PATJ: variants seen among roughly 807,000 people sequenced by gnomAD.
PATJ encodes PATJ crumbs cell polarity complex component.
Under a neutral mutation model 224.9 loss-of-function variants are expected in PATJ, and 190 were observed. The ratio of observed to expected loss-of-function variants is 0.84; its 90% CI spans 0.75 to 0.95. The LOEUF (loss-of-function observed/expected upper bound fraction) is 0.95, where lower values mean the gene tolerates loss of function less well. Ranked by LOEUF, PATJ falls within the 40% of genes least tolerant of loss-of-function variation. PATJ has a pLI of 0.00. For synonymous variants in PATJ, 769 were observed against 820.3 expected (o/e 0.94, Z 1.07); for missense variants, 2,121 against 2,270.3 (o/e 0.93, Z 1.34).
In PATJ at chr1:61,827,453, G is replaced by A. The variant is rs556613542; in HGVS notation, c.1850G>A (p.Arg617His). ...VNGMQLYGKS[R>H]REAVSFLKEV... ...GGCATGCAGCTTTATGGAAAATCTCGCCGAGAAGCAGTCTCCTTTCTTAAA... is the reference window on the plus strand; with the variant it reads ...GGCATGCAGCTTTATGGAAAATCTCACCGAGAAGCAGTCTCCTTTCTTAAA... The change falls in exon 16 of 44, where the codon CGC (arginine) becomes CAC (histidine). Residue 617 changes from arginine to histidine, a missense_variant. Coordinates refer to ENST00000642238, the MANE Select transcript of PATJ (RefSeq NM_001350145.3). 20 of 1,613,642 alleles carry A rather than the reference G, an allele frequency of 1.2e-5. No individual in the cohort carries two copies. The African/African-American group carries it at 1.5e-4, about 12-fold the overall frequency.
chr1:61,915,687 T>C (rs12089099), intron 26 of PATJ, among the ~76,000 whole-genome samples: 59 of 151,006 alleles, frequency 3.9e-4, no homozygotes, highest in African/African-American at 1.4e-3. Flanking sequence ...TATAATTTTC[T>C]TTTCTTTCTT....
At chr1:61,759,581 T>A (rs1645846931) in intron 1 of PATJ, among the ~76,000 whole-genome samples, 1 of 152,180 alleles carries the variant, frequency 6.6e-6, no homozygotes, top group Non-Finnish European at 1.5e-5. Flanking sequence ...AGCAAATTTT[T>A]GTGTTTTTAG....
intron 42 of PATJ, among the ~76,000 whole-genome samples, chr1:62,150,407 G>A (rs1018118492): frequency 2.0e-5 from 3 of 152,096 alleles, no homozygotes; most frequent in Non-Finnish European, 4.4e-5. Flanking sequence ...CTGTAGGAGA[G>A]CTAAATTCAT....
chr1:61,834,737 C>T (rs886306270), intron 17 of PATJ, among the ~76,000 whole-genome samples: 1 of 152,040 alleles, frequency 6.6e-6, no homozygotes, highest in Non-Finnish European at 1.5e-5. Context: ...AAGAATATTA[C>T]GTTCTATTTT....
intron 27 of PATJ, among the ~76,000 whole-genome samples, chr1:61,951,316 T>G (rs1679639108): frequency 6.6e-6 from 1 of 152,240 alleles, no homozygotes; most frequent in South Asian, 2.1e-4. Context: ...ATAATTTGGA[T>G]GTATTTATTA....
intron 6 of PATJ, among the ~76,000 whole-genome samples, chr1:61,772,649 G>A (rs1382529861): frequency 6.6e-6 from 1 of 152,116 alleles, no homozygotes. Flanking sequence ...GTTGTAATCA[G>A]CAATATTTAT....
At position 61,875,303 on chromosome 1, in the gene PATJ, C is replaced by A; in HGVS notation, c.2896C>A (p.Gln966Lys). The change falls in exon 21 of 44, where the codon CAA (glutamine) becomes AAA (lysine). Residue 966 changes from glutamine to lysine, a missense_variant. By Grantham distance (53) the Gln-to-Lys change is moderately conservative (BLOSUM62 1). Transcript: ENST00000642238. ...PSVPSTEGNS[Q>K]QGRFDDLENL... ...TGTACCATCAACTGAAGGAAACAGT[C>A]AACAAGGCAGATTTGACGACCTGGA... 1.2e-6 allele frequency: 2 copies of A among 1,609,664 alleles called. No homozygotes were observed. The highest frequency in any genetic ancestry group is 2.2e-5 in the South Asian group (2 of 90,792).
At chr1:61,798,679 G>C (rs1651839945) in intron 11 of PATJ, among the ~76,000 whole-genome samples, 1 of 151,682 alleles carries the variant, frequency 6.6e-6, no homozygotes, top group Non-Finnish European at 1.5e-5. Context: ...ATCACTTGAG[G>C]CCAGGAATTT....
intron 33 of PATJ, among the ~76,000 whole-genome samples, chr1:62,108,100 C>T (rs895946954): frequency 6.6e-6 from 1 of 152,076 alleles, no homozygotes; most frequent in African/African-American, 2.4e-5. Context: ...TACCTGAAAC[C>T]GTGTTTCAAA....
intron 7 of PATJ, among the ~76,000 whole-genome samples, chr1:61,779,675 C>T (rs1445141120): frequency 1.3e-5 from 2 of 152,172 alleles, no homozygotes; most frequent in African/African-American, 2.4e-5. Context: ...TTTGTAATTC[C>T]TATCCCTCCA....
chr1:62,078,035 G>T (rs779182040), intron 31 of PATJ, among the ~76,000 whole-genome samples: 1 of 152,198 alleles, frequency 6.6e-6, no homozygotes, highest in African/African-American at 2.4e-5. Context: ...ACTGCACAAT[G>T]CCCTGTATTG....
intron 27 of PATJ, among the ~76,000 whole-genome samples, chr1:61,931,665 G>A (rs946945459): frequency 1.3e-4 from 20 of 152,334 alleles, no homozygotes; most frequent in Admixed American, 5.9e-4. Context: ...TTGGAAGGCT[G>A]AGGTGAGAGG....
At chr1:62,008,203 T>A (rs546592881) in intron 28 of PATJ, among the ~76,000 whole-genome samples, 1 of 152,264 alleles carries the variant, frequency 6.6e-6, no homozygotes, top group East Asian at 1.9e-4. Flanking sequence ...AGCTGTGGCC[T>A]GGAGTGTCAT....
intron 1 of PATJ, among the ~76,000 whole-genome samples, chr1:61,753,097 T>A (rs1467965248): frequency 6.6e-6 from 1 of 152,194 alleles, no homozygotes; most frequent in African/African-American, 2.4e-5. Context: ...CTGAGCTTTG[T>A]ACTCCAAAGG....
rs116056031 is a variant in PATJ, at chr1:61,938,517, C to T, written c.3670+10688C>T. ...TCATGTAACCAATCTGCACATGTACCCCCTGTATCTAAAATAAAAGTTGAA... is the reference window on the plus strand; with the variant it reads ...TCATGTAACCAATCTGCACATGTACTCCCTGTATCTAAAATAAAAGTTGAA... On this transcript the variant is annotated intron_variant, in intron 27 of 43. Transcript: ENST00000642238. Among the ~76,000 whole-genome samples, 723 of 152,020 alleles carry T rather than the reference C, an allele frequency of 4.8e-3. 5 individuals are homozygous for T. The highest frequency in any genetic ancestry group is 0.017 in the African/African-American group (691 of 41,480).
At chr1:61,873,371 T>C (rs780516180) in intron 20 of PATJ, among the ~76,000 whole-genome samples, 5 of 152,000 alleles carry the variant, frequency 3.3e-5, no homozygotes, top group Non-Finnish European at 5.9e-5. Flanking sequence ...GGTTTCGCCA[T>C]ATTGACCAGC....
chr1:61,972,678 A>T (rs546095912), intron 27 of PATJ, among the ~76,000 whole-genome samples: 1 of 152,234 alleles, frequency 6.6e-6, no homozygotes, highest in Non-Finnish European at 1.5e-5. Context: ...CTTCTGGTAC[A>T]TATAACTACT....
Position 62,130,712 on chromosome 1 carries a change from A to T in PATJ, c.5271+1767A>T, listed in dbSNP as rs13375102. Among the ~76,000 whole-genome samples, 922 of 151,964 alleles carry T rather than the reference A, an allele frequency of 6.1e-3. 9 individuals are homozygous for T. Among genetic ancestry groups the T allele is most frequent in the African/African-American group, 0.021 (877 of 41,470 alleles). ...TAAAAATACAAAAAATTAGCCGGGC[A>T]TGGTGGCGGGCGCCTATAGTCCCAG... is the stretch of plus-strand genomic sequence containing the variant. On this transcript the variant is annotated intron_variant, in intron 41 of 43. Transcript: ENST00000642238.
At chr1:62,092,110 G>A (rs939146701) in intron 33 of PATJ, among the ~76,000 whole-genome samples, 3 of 151,898 alleles carry the variant, frequency 2.0e-5, no homozygotes, top group African/African-American at 7.3e-5. Flanking sequence ...AGGTGCAGTG[G>A]CTCACACCTG....
Sources: gnomAD v4.1 joint callset for allele counts (sites outside exome capture counted in the v4.1 genomes callset) on GRCh38, gnomAD v4.1.1 for gene constraint, MANE v1.5 for transcripts, NCBI Gene and HGNC (gene_info 2026-07-23, HGNC 2026-07-21) for gene names.